The following KSR2 variants were observed in gnomAD, a reference collection of about 807,000 sequenced individuals.
KSR2 encodes the protein kinase suppressor of ras 2.
A neutral mutation model predicts 107.8 loss-of-function variants in KSR2; 25 were observed. That is an observed-to-expected ratio of 0.23 (90% CI 0.17 to 0.32). The LOEUF (loss-of-function observed/expected upper bound fraction) is 0.32. Ranked by LOEUF, KSR2 falls within the 10% of genes least tolerant of loss-of-function variation. The pLI is 1.00. For synonymous variants in KSR2, 480 were observed against 507.0 expected, an observed-to-expected ratio of 0.95 and a Z score of 0.71; for missense variants, 887 against 1,268.9, an observed-to-expected ratio of 0.70 and a Z score of 4.57.
intron 4 of KSR2, among the ~76,000 whole-genome samples, chr12:117,691,470 G>A (rs1250627532): frequency 2.0e-5 from 3 of 152,124 alleles, no homozygotes; most frequent in Admixed American, 6.5e-5. Flanking sequence ...TGTTGCCTTC[G>A]GTGTGAGTTT....
At chr12:117,803,101 C>T (rs1265233622) in intron 3 of KSR2, among the ~76,000 whole-genome samples, 2 of 152,172 alleles carry the variant, frequency 1.3e-5, no homozygotes, top group African/African-American at 4.8e-5. Flanking sequence ...TAATGCCTTT[C>T]TCTCTCCTAC....
intron 3 of KSR2, among the ~76,000 whole-genome samples, chr12:117,793,998 GCACACACACCAACAT>G (rs1890444290): frequency 1.2e-5 from 1 of 80,772 alleles, no homozygotes; most frequent in Non-Finnish European, 2.2e-5. Flanking sequence ...ACACCAACAT[GCACACACACCAACAT>G]GCACACTCAC....
At chr12:117,629,408 G>C (rs1282923233) in intron 5 of KSR2, among the ~76,000 whole-genome samples, 1 of 152,200 alleles carries the variant, frequency 6.6e-6, no homozygotes, top group African/African-American at 2.4e-5. Flanking sequence ...GAAAAAAAAG[G>C]TGTTTTTTGT....
intron 4 of KSR2, among the ~76,000 whole-genome samples, chr12:117,755,364 C>T (rs888119645): frequency 1.3e-5 from 2 of 152,242 alleles, no homozygotes; most frequent in Non-Finnish European, 2.9e-5. Flanking sequence ...AGCACAAGCT[C>T]ACTTCATGCC....
At chr12:117,852,707 G>A (rs989559916) in intron 3 of KSR2, among the ~76,000 whole-genome samples, 2 of 152,108 alleles carry the variant, frequency 1.3e-5, no homozygotes, top group African/African-American at 4.8e-5. Context: ...AACCTCAAAC[G>A]CTCACTGTCA....
intron 3 of KSR2, among the ~76,000 whole-genome samples, chr12:117,825,623 A>G (rs1403083875): frequency 1.3e-5 from 2 of 152,054 alleles, no homozygotes; most frequent in Non-Finnish European, 2.9e-5. Context: ...TTTTCTTCAC[A>G]GTATTTGTCA....
chr12:117,721,588 G>A (rs923993833), intron 4 of KSR2, among the ~76,000 whole-genome samples: 6 of 152,138 alleles, frequency 3.9e-5, no homozygotes, highest in African/African-American at 1.4e-4. Context: ...CCAAAGAGGG[G>A]GCAGATTGAG....
intron 16 of KSR2, among the ~76,000 whole-genome samples, chr12:117,477,784 A>G (rs879585921): frequency 2.6e-5 from 4 of 152,230 alleles, no homozygotes; most frequent in Non-Finnish European, 5.9e-5. Flanking sequence ...ATATACAACC[A>G]ACTCCTTGCT....
chr12:117,598,769 A>T (rs1444070612), intron 5 of KSR2, among the ~76,000 whole-genome samples: 1 of 152,032 alleles, frequency 6.6e-6, no homozygotes, highest in Non-Finnish European at 1.5e-5. Context: ...CAGTATATTC[A>T]TGCCCTTTGC....
intron 4 of KSR2, among the ~76,000 whole-genome samples, chr12:117,723,133 A>G (rs1347088911): frequency 6.6e-6 from 1 of 152,176 alleles, no homozygotes; most frequent in East Asian, 1.9e-4. Flanking sequence ...ATCCATCCTC[A>G]CCATTCACAA....
chr12:117,549,437 TA>T (rs954027314), intron 9 of KSR2, among the ~76,000 whole-genome samples: 15 of 149,000 alleles, frequency 1.0e-4, no homozygotes, highest in East Asian at 2.0e-4. Context: ...CGTCTAACTT[TA>T]AAAAAAAAAC....
intron 3 of KSR2, among the ~76,000 whole-genome samples, chr12:117,851,675 G>C (rs933309088): frequency 2.0e-5 from 3 of 152,120 alleles, no homozygotes; most frequent in Admixed American, 6.5e-5. Flanking sequence ...TGGATCACCT[G>C]AGGTCAGGAG....
At chr12:117,553,729 A>T (rs1452063486) in intron 9 of KSR2, among the ~76,000 whole-genome samples, 1 of 151,854 alleles carries the variant, frequency 6.6e-6, no homozygotes, top group Non-Finnish European at 1.5e-5. Flanking sequence ...GAAGAGTTTG[A>T]TCCCTTTTTT....
rs542211233 is a variant in KSR2, at chr12:117,760,999, G to A, written c.986+12C>T. ...TTTCGACCGCCCCAGGGCACCCACC[G>A]ATCGCACTCACTTGGGCGTGTGGGC... On this transcript the variant is annotated intron_variant, in intron 4 of 19. Coordinates refer to ENST00000339824, the MANE Select transcript of KSR2 (RefSeq NM_173598.6). 73 of 1,612,988 alleles carry A rather than the reference G, an allele frequency of 4.5e-5. No homozygotes were observed. The South Asian group carries it at 7.5e-4, about 17-fold the overall frequency.
intron 5 of KSR2, among the ~76,000 whole-genome samples, chr12:117,610,272 C>T (rs1881520144): frequency 6.6e-6 from 1 of 152,032 alleles, no homozygotes; most frequent in Non-Finnish European, 1.5e-5. Context: ...AAAAATGCCA[C>T]CTAAGGAAAT....
chr12:117,571,360 C>T (rs1878883533), intron 7 of KSR2, among the ~76,000 whole-genome samples: 1 of 152,192 alleles, frequency 6.6e-6, no homozygotes, highest in African/African-American at 2.4e-5. Context: ...GTCTCAGCCT[C>T]ATCCCATGGG....
intron 5 of KSR2, among the ~76,000 whole-genome samples, chr12:117,622,173 T>A (rs1379248029): frequency 6.6e-6 from 1 of 151,996 alleles, no homozygotes; most frequent in African/African-American, 2.4e-5. Context: ...TATCTCTACA[T>A]CTCTCTGCAC....
intron 4 of KSR2, among the ~76,000 whole-genome samples, chr12:117,694,852 T>A (rs142988860): frequency 7.0e-6 from 1 of 143,874 alleles, no homozygotes; most frequent in African/African-American, 2.6e-5. Flanking sequence ...ATTCTTTTTT[T>A]TTTTTTTTTT....
At chr12:117,737,782 CAAA>C (rs10587288) in intron 4 of KSR2, among the ~76,000 whole-genome samples, 24,396 of 83,224 alleles carry the variant, frequency 0.29, 1,820 homozygotes, top group South Asian at 0.4. Flanking sequence ...AATCCTGTCT[CAAA>C]AAAAAAAAAA....
Sources: gnomAD v4.1 joint callset for allele counts (sites outside exome capture counted in the v4.1 genomes callset) on GRCh38, gnomAD v4.1.1 for gene constraint, MANE v1.5 for transcripts, NCBI Gene and HGNC (gene_info 2026-07-23, HGNC 2026-07-21) for gene names.